Variants in TNFRSF11A observed in about 807,000 individuals in gnomAD.
TNFRSF11A encodes tumor necrosis factor receptor superfamily member 11A.
In TNFRSF11A, 32 loss-of-function variants were observed where a neutral mutation model predicts 55.7. That is an observed-to-expected ratio of 0.57 (90% CI 0.43 to 0.77). TNFRSF11A has a LOEUF of 0.77. Among genes scored for constraint, TNFRSF11A ranks in the 30% least tolerant of loss-of-function variants. The pLI, the probability that TNFRSF11A is intolerant of heterozygous loss-of-function variation, is 0.00. For synonymous variants in TNFRSF11A, 311 were observed against 331.0 expected (o/e 0.94, Z 0.65); for missense variants, 753 against 809.8 (o/e 0.93, Z 0.85).
rs1172219120 is a variant in TNFRSF11A, at chr18:62,332,055, TA to T, written c.75+6629del. ...GAGTACAAGAGCCACTTCCTCAAGC[TA>T]TCAGAAATTTGAAGACTTTCCATGA... On this transcript the variant is annotated intron_variant, in intron 1 of 9. Coordinates refer to ENST00000586569, the MANE Select transcript of TNFRSF11A (RefSeq NM_003839.4). 2.0e-5 allele frequency among the ~76,000 whole-genome samples: 3 copies of T among 152,334 alleles called. No individual in the cohort carries two copies. The East Asian group carries it at 5.8e-4, about 29-fold the overall frequency.
chr18:62,335,442 A>G (rs1287378493), intron 1 of TNFRSF11A, among the ~76,000 whole-genome samples: 5 of 152,156 alleles, frequency 3.3e-5, no homozygotes, highest in Non-Finnish European at 5.9e-5. Context: ...CAAAAGACCA[A>G]GCACCAGAAG....
At position 62,348,151 on chromosome 18, in the gene TNFRSF11A, C is replaced by G; in HGVS notation, c.76-17C>G. ...GAGCTGTGTGGACTCTCTGCCTGACCTCAGTGTTCTTTTCAGGTGGCTTTG... is the reference window on the plus strand; with the variant it reads ...GAGCTGTGTGGACTCTCTGCCTGACGTCAGTGTTCTTTTCAGGTGGCTTTG... On this transcript the variant is annotated splice_polypyrimidine_tract_variant and intron_variant, in intron 1 of 9. Transcript: ENST00000586569. 6.2e-7 allele frequency: 1 copy of G among 1,608,196 alleles called. No individual in the cohort carries two copies. The highest frequency in any genetic ancestry group is 8.5e-7 in the Non-Finnish European group (1 of 1,174,916).
rs1267727302 is a variant in TNFRSF11A, at chr18:62,390,540, TC to T, written c.*5507del. The stretch of plus-strand genomic sequence containing the variant: ...AGGCCCCTTCAGGAGGGCACTGGAG[TC>T]AATGAAAGCTTTTGCTCTCACCCAG... On this transcript the variant is annotated 3_prime_UTR_variant, in exon 10 of 10. Transcript: ENST00000586569. 2 of 151,898 alleles carry T rather than the reference TC, an allele frequency of 1.3e-5. No homozygotes were observed. The highest frequency in any genetic ancestry group is 4.2e-4 in the South Asian group (2 of 4,816). The allele number at this position is 151,898 out of a possible 1,614,324, so 9.4% of individuals were successfully genotyped here.
chr18:62,353,452 G>A lies in TNFRSF11A; in HGVS notation c.284-939G>A, dbSNP rs113053802. ...CAGGGAAATCACCAACAAAAAGCTC[G>A]TTTACCTTCTGTGAGCTGAAACAAG... On this transcript the variant is annotated intron_variant, in intron 3 of 9. Coordinates refer to ENST00000586569, the MANE Select transcript of TNFRSF11A (RefSeq NM_003839.4). 4.6e-5 allele frequency among the ~76,000 whole-genome samples: 7 copies of A among 152,214 alleles called. 1 individual carries two copies. The highest frequency in any genetic ancestry group is 1.4e-4 in the African/African-American group (6 of 41,534).
intron 4 of TNFRSF11A, among the ~76,000 whole-genome samples, chr18:62,357,313 G>A (rs1909329692): frequency 1.3e-5 from 2 of 152,206 alleles, no homozygotes; most frequent in South Asian, 2.1e-4. Context: ...GGGACTTACC[G>A]AAGAATCATC....
chr18:62,327,933 CCTG>C (rs2046098448), intron 1 of TNFRSF11A, among the ~76,000 whole-genome samples: 1 of 152,156 alleles, frequency 6.6e-6, no homozygotes, highest in African/African-American at 2.4e-5. Flanking sequence ...TGTAGCTAGT[CCTG>C]CTGTTTATTC....
intron 1 of TNFRSF11A, among the ~76,000 whole-genome samples, chr18:62,341,092 G>T (rs2046304175): frequency 6.6e-6 from 1 of 152,208 alleles, no homozygotes; most frequent in Non-Finnish European, 1.5e-5. Flanking sequence ...ATTCGTTTAT[G>T]TCCTAGTTAA....
chr18:62,341,781 GCA>G (rs1303161902), intron 1 of TNFRSF11A, among the ~76,000 whole-genome samples: 1 of 146,638 alleles, frequency 6.8e-6, no homozygotes, highest in Non-Finnish European at 1.5e-5. Context: ...AGCAGGATAG[GCA>G]CAGTTATTAA....
rs1209029221 is a variant in TNFRSF11A, at chr18:62,354,467, G to A, written c.360G>A (p.Trp120Ter). 6.2e-7 allele frequency: 1 copy of A among 1,601,434 alleles called. No individual in the cohort carries two copies. Among genetic ancestry groups the A allele is most frequent in the Admixed American group, 1.7e-5 (1 of 59,946 alleles). The change falls in exon 4 of 10, where the codon TGG (tryptophan) becomes TGA (stop). Residue 120 changes from tryptophan (W) to a stop codon, truncating the protein, a stop_gained. Coordinates refer to ENST00000586569, the MANE Select transcript of TNFRSF11A (RefSeq NM_003839.4). LOFTEE classifies it high-confidence loss of function. ...RRCACTAGYHWSQDCECCRRN... is the reference protein window; with the variant it reads ...RRCACTAGYH ...GCGCGTGCACGGCTGGGTACCACTG[G>A]AGCCAGGACTGCGAGTGCTGCCGCC...
At chr18:62,367,883 T>C (rs1468645730) in intron 8 of TNFRSF11A, among the ~76,000 whole-genome samples, 3 of 135,336 alleles carry the variant, frequency 2.2e-5, no homozygotes. Context: ...AACCTCTGCC[T>C]CCCAGGTTCA....
rs574467385 is a variant in TNFRSF11A, at chr18:62,381,745, T to G, written c.1568-3006T>G. On this transcript the variant is annotated intron_variant, in intron 9 of 9. Transcript: ENST00000586569. ...CGACTAAGCAACTTTAAATTGCTTA[T>G]TTTATTAAATAAACATGGTATGTTT... 7.9e-5 allele frequency among the ~76,000 whole-genome samples: 12 copies of G among 152,364 alleles called. No individual in the cohort carries two copies. In the South Asian group the frequency reaches 2.1e-3, roughly 26 times the overall value.
intron 7 of TNFRSF11A, among the ~76,000 whole-genome samples, chr18:62,364,266 G>C (rs1435166740): frequency 5.3e-5 from 8 of 152,184 alleles, no homozygotes. Context: ...GGGGAGCACA[G>C]TGCATTAGCG....
In TNFRSF11A at chr18:62,367,049, C is replaced by T. The variant is rs184427512; in HGVS notation, c.783+289C>T. Among the ~76,000 whole-genome samples the T allele has an allele frequency of 2.1e-3, 320 of 152,318 alleles. 2 individuals are homozygous for T. The highest frequency in any genetic ancestry group is 7.0e-3 in the African/African-American group (290 of 41,544). On this transcript the variant is annotated intron_variant, in intron 8 of 9. Transcript: ENST00000586569. ...GTTTTTAATAGAGACAGGGCTTCAC[C>T]GTGTTGGCCACGCTAGTCTCGAACT...
intron 1 of TNFRSF11A, chr18:62,330,869 T>G (rs987668900): frequency 2.6e-5 from 4 of 152,186 alleles, no homozygotes; most frequent in African/African-American, 9.7e-5. Flanking sequence ...TTAACAGATT[T>G]ATTTGTTCCT....
chr18:62,380,450 T>C (rs140300991), intron 9 of TNFRSF11A, among the ~76,000 whole-genome samples: 9,890 of 150,544 alleles, frequency 0.066, 411 homozygotes, highest in East Asian at 0.16. Context: ...TTTTTTTTTT[T>C]TTTTTTGAGA....
intron 1 of TNFRSF11A, among the ~76,000 whole-genome samples, chr18:62,345,208 G>C (rs2046365834): frequency 6.6e-6 from 1 of 152,166 alleles, no homozygotes; most frequent in South Asian, 2.1e-4. Context: ...GGGAGGAAAA[G>C]GGTCTGCAAG....
intron 1 of TNFRSF11A, among the ~76,000 whole-genome samples, chr18:62,330,349 G>A (rs764256312): frequency 3.9e-5 from 6 of 152,324 alleles, no homozygotes; most frequent in South Asian, 4.1e-4. Flanking sequence ...TCTGCAGACC[G>A]CATGAGAGAA....
intron 9 of TNFRSF11A, among the ~76,000 whole-genome samples, chr18:62,378,335 G>A (rs962300833): frequency 1.3e-5 from 2 of 152,222 alleles, no homozygotes; most frequent in Admixed American, 6.5e-5. Flanking sequence ...AGACTGTGGG[G>A]TTTAATGTAG....
chr18:62,377,685 T>TA (rs1309103840), intron 9 of TNFRSF11A, among the ~76,000 whole-genome samples: 3 of 152,198 alleles, frequency 2.0e-5, no homozygotes, highest in Non-Finnish European at 4.4e-5. Context: ...GCCATCTGGA[T>TA]ATCTTTGGTG....
Sources: allele counts gnomAD v4.1 joint callset (sites outside exome capture counted in the v4.1 genomes callset), GRCh38; gene constraint gnomAD v4.1.1; transcripts MANE v1.5; gene names NCBI Gene and HGNC (gene_info 2026-07-23, HGNC 2026-07-21).